BORCS5: variants seen among roughly 807,000 people sequenced by gnomAD.
The protein encoded by BORCS5 is BLOC-1 related complex subunit 5, also known as BLOC-1-related complex subunit 5.
A neutral mutation model predicts 22.1 loss-of-function variants in BORCS5; 17 were observed. The ratio of observed to expected loss-of-function variants is 0.77; its 90% CI spans 0.53 to 1.15. The LOEUF is 1.15. Among genes scored for constraint, BORCS5 ranks in the 50% most tolerant of loss-of-function variants. BORCS5 has a pLI of 0.00. For synonymous variants in BORCS5, 117 were observed against 99.8 expected, an observed-to-expected ratio of 1.17 and a Z score of -1.03; for missense variants, 247 against 253.2, an observed-to-expected ratio of 0.98 and a Z score of 0.17.
At chr12:12,422,604 AG>A (rs1942162370) in intron 2 of BORCS5, among the ~76,000 whole-genome samples, 1 of 152,048 alleles carries the variant, frequency 6.6e-6, no homozygotes, top group African/African-American at 2.4e-5. Flanking sequence ...TCATCTCAAA[AG>A]AAAAAAAAAA....
intron 2 of BORCS5, 28 bp downstream of exon 2, chr12:12,361,377 A>G: frequency 6.2e-7 from 1 of 1,607,772 alleles, no homozygotes; most frequent in Non-Finnish European, 8.5e-7. Flanking sequence ...GTTTTATCTG[A>G]ACTTGCTGGA....
At chr12:12,373,981 C>CTTTTTTTTTTT (rs926893487) in intron 2 of BORCS5, among the ~76,000 whole-genome samples, 4 of 89,792 alleles carry the variant, frequency 4.5e-5, no homozygotes, top group African/African-American at 1.5e-4. Context: ...AGAGAGTATT[C>CTTTTTTTTTTT]TTTTTTTTTT....
intron 3 of BORCS5, chr12:12,451,986 T>G: frequency 3.8e-6 from 1 of 259,960 alleles, no homozygotes; most frequent in Non-Finnish European, 7.6e-6. Context: ...TTACACAGCT[T>G]TTATACAGTA....
At chr12:12,382,854 G>A (rs1177789566) in intron 2 of BORCS5, among the ~76,000 whole-genome samples, 1 of 150,928 alleles carries the variant, frequency 6.6e-6, no homozygotes, top group African/African-American at 2.4e-5. Flanking sequence ...TTTTTTATCT[G>A]TTTGCTTTCA....
At chr12:12,463,980 G>A (rs1195592096) in intron 3 of BORCS5, among the ~76,000 whole-genome samples, 1 of 152,168 alleles carries the variant, frequency 6.6e-6, no homozygotes, top group Admixed American at 6.5e-5. Context: ...TCCCAATTCA[G>A]GATTCCACCT....
intron 2 of BORCS5, among the ~76,000 whole-genome samples, chr12:12,391,473 C>G (rs1010271623): frequency 6.6e-6 from 1 of 151,608 alleles, no homozygotes; most frequent in Non-Finnish European, 1.5e-5. Flanking sequence ...TCAACCTCCA[C>G]CACCTGAGTT....
intron 2 of BORCS5, among the ~76,000 whole-genome samples, chr12:12,388,176 T>C (rs1464385194): frequency 6.6e-6 from 1 of 151,412 alleles, no homozygotes; most frequent in Non-Finnish European, 1.5e-5. Context: ...GCAGTTTTTA[T>C]TGTGGTATTT....
chr12:12,400,544 C>T (rs1167480006), intron 2 of BORCS5, among the ~76,000 whole-genome samples: 1 of 150,092 alleles, frequency 6.7e-6, no homozygotes, highest in Non-Finnish European at 1.5e-5. Flanking sequence ...AGATTATCAG[C>T]TGCTACCTAG....
chr12:12,369,208 A>G (rs1202247731), intron 2 of BORCS5, among the ~76,000 whole-genome samples: 3 of 152,140 alleles, frequency 2.0e-5, no homozygotes, highest in African/African-American at 7.2e-5. Context: ...CCTGTCTTGT[A>G]GTCTAATTTG....
rs1242299841 is a variant in BORCS5, at chr12:12,465,967, T to C, written c.*191T>C. 1.7e-6 allele frequency: 1 copy of C among 580,518 alleles called. No homozygotes were observed. The highest frequency in any genetic ancestry group is 1.9e-5 in the African/African-American group (1 of 53,338). 36.0% of individuals were successfully genotyped at this position (580,518 alleles called of 1,614,324 possible). ...TTTTCCTTGATGCAGTTTCCCGGTG[T>C]GGAAGGAACCTAACCAGTTCTCGGT... is the stretch of plus-strand genomic sequence containing the variant. On this transcript the variant is annotated 3_prime_UTR_variant, in exon 4 of 4. Coordinates refer to ENST00000314565, the MANE Select transcript of BORCS5 (RefSeq NM_058169.6).
chr12:12,420,655 TATTG>T (rs567360685), intron 2 of BORCS5, among the ~76,000 whole-genome samples: 212 of 152,338 alleles, frequency 1.4e-3, no homozygotes, highest in African/African-American at 4.9e-3. Context: ...ATTTTCATGA[TATTG>T]ATTCTTTGTA....
Position 12,465,669 on chromosome 12 carries a change from G to T in BORCS5, c.484G>T (p.Gly162Cys). 6.2e-7 allele frequency: 1 copy of T among 1,614,240 alleles called. No individual in the cohort carries two copies. Among genetic ancestry groups the T allele is most frequent in the Non-Finnish European group, 8.5e-7 (1 of 1,180,044 alleles). The part of the protein sequence containing the change: ...MSAILRRIQM[G>C]IDQTVPLLDR... ...CGCCATCCTCCGCCGCATACAGATGGGCATCGACCAGACTGTGCCCCTGCT... is the reference window on the plus strand; with the variant it reads ...CGCCATCCTCCGCCGCATACAGATGTGCATCGACCAGACTGTGCCCCTGCT... The change falls in exon 4 of 4, where the codon GGC (glycine) becomes TGC (cysteine). Residue 162 changes from glycine (G) to cysteine (C), a missense_variant. Gly to Cys is a radical substitution (Grantham distance 159, BLOSUM62 -3). Transcript: ENST00000314565.
intron 3 of BORCS5, among the ~76,000 whole-genome samples, chr12:12,437,046 G>A (rs1942570145): frequency 6.6e-6 from 1 of 152,120 alleles, no homozygotes; most frequent in Admixed American, 6.5e-5. Flanking sequence ...GTCTAGGTGT[G>A]GTCTGTGAAT....
At chr12:12,464,205 T>G (rs1358498735) in intron 3 of BORCS5, among the ~76,000 whole-genome samples, 2 of 151,870 alleles carry the variant, frequency 1.3e-5, no homozygotes, top group East Asian at 3.9e-4. Context: ...TCCCATGTTT[T>G]TTTTTTTTTT....
chr12:12,360,779 G>GGCACGATCTTGGCACACCGCAACCTCC (rs1592048856), intron 1 of BORCS5, among the ~76,000 whole-genome samples: 1 of 151,890 alleles, frequency 6.6e-6, no homozygotes, highest in East Asian at 1.9e-4. Context: ...CAAGTGCAGT[G>GGCACGATCTTGGCACACCGCAACCTCC]GCACGATCTT....
chr12:12,425,692 A>G (rs1592116326), intron 2 of BORCS5, among the ~76,000 whole-genome samples: 1 of 152,278 alleles, frequency 6.6e-6, no homozygotes, highest in East Asian at 1.9e-4. Context: ...TTGTTGTTTT[A>G]TCTTTTTAAA....
intron 3 of BORCS5, among the ~76,000 whole-genome samples, chr12:12,441,739 C>T (rs1398974812): frequency 1.3e-5 from 2 of 151,580 alleles, no homozygotes; most frequent in African/African-American, 4.9e-5. Flanking sequence ...TTTTTAAGCC[C>T]ACTGTGGTTT....
rs1565952167 is a variant in BORCS5, at chr12:12,470,636, T to C, written c.*4860T>C. Among the ~76,000 whole-genome samples the C allele has an allele frequency of 1.3e-5, 2 of 151,052 alleles. No homozygotes were observed. Among genetic ancestry groups the C allele is most frequent in the Non-Finnish European group, 2.9e-5 (2 of 67,882 alleles). On this transcript the variant is annotated 3_prime_UTR_variant, in exon 4 of 4. Transcript: ENST00000314565. Reference sequence around the variant, plus strand: ...AAATGGGTCCCTGGTGCCAGAAAGGTTGGGGACTGCTGTCATAAATAACAT... The same window carrying C: ...AAATGGGTCCCTGGTGCCAGAAAGGCTGGGGACTGCTGTCATAAATAACAT...
At chr12:12,430,246 G>C (rs1457149106) in intron 2 of BORCS5, among the ~76,000 whole-genome samples, 1 of 145,714 alleles carries the variant, frequency 6.9e-6, no homozygotes, top group Non-Finnish European at 1.5e-5. Context: ...TGCCTCCTGG[G>C]TTCACGCCAT....
Sources: gnomAD v4.1 joint callset for allele counts (sites outside exome capture counted in the v4.1 genomes callset) on GRCh38, gnomAD v4.1.1 for gene constraint, MANE v1.5 for transcripts, NCBI Gene and HGNC (gene_info 2026-07-23, HGNC 2026-07-21) for gene names.